PMEPA1: variants seen among roughly 807,000 people sequenced by gnomAD.
PMEPA1 encodes the protein protein TMEPAI.
In PMEPA1, 11 loss-of-function variants were observed where a neutral mutation model predicts 23.0. The ratio of observed to expected loss-of-function variants is 0.48; its 90% CI spans 0.30 to 0.79. The LOEUF is 0.79. Ranked by LOEUF, PMEPA1 falls within the 30% of genes least tolerant of loss-of-function variation. PMEPA1 has a pLI of 0.06. For missense variants in PMEPA1, 377 were observed against 390.9 expected (o/e 0.96, Z 0.30); for synonymous variants, 204 against 166.4 (o/e 1.23, Z -1.74).
In PMEPA1 at chr20:57,652,937, G is replaced by A; in HGVS notation, c.318+96C>T. On this transcript the variant is annotated intron_variant, in intron 3 of 3. Transcript: ENST00000341744. This position sits in a 1 kb window ranked among gnomAD's most constrained non-coding sequence, Gnocchi z 6.1. ...CAAGGGCACTGCAGAGGAGGGCGGAGGGGTGAGCCTTTAGCAGCCCACACT... is the reference window on the plus strand; with the variant it reads ...CAAGGGCACTGCAGAGGAGGGCGGAAGGGTGAGCCTTTAGCAGCCCACACT... The A allele has an allele frequency of 2.0e-6, 2 of 1,023,446 alleles. No individual in the cohort carries two copies. The highest frequency in any genetic ancestry group is 3.0e-6 in the Non-Finnish European group (2 of 668,920). The allele number at this position is 1,023,446 out of a possible 1,614,324, so 63.4% of individuals were successfully genotyped here.
intron 1 of PMEPA1, among the ~76,000 whole-genome samples, chr20:57,666,213 C>CT (rs777450349): frequency 2.6e-5 from 4 of 152,162 alleles, no homozygotes; most frequent in Non-Finnish European, 5.9e-5. Flanking sequence ...CCCCATCCTC[C>CT]TTTTCATGGT....
rs113566197 is a variant in PMEPA1, at chr20:57,652,653, A to G, written c.319-55T>C. On this transcript the variant is annotated intron_variant, in intron 3 of 3. Transcript: ENST00000341744. The surrounding 1 kb of genome is among the most constrained non-coding windows in gnomAD (Gnocchi z 6.1). Reference sequence around the variant, plus strand: ...GGCGGCTGTCTCAGGTGGGTTGTCCAGAAGCGATCCTGAGACTGGAGTTCT... The same window carrying G: ...GGCGGCTGTCTCAGGTGGGTTGTCCGGAAGCGATCCTGAGACTGGAGTTCT... The G allele has an allele frequency of 3.0e-6, 4 of 1,355,388 alleles. No individual in the cohort carries two copies. In the South Asian group the frequency reaches 6.0e-5, roughly 20 times the overall value. 84.0% of individuals were successfully genotyped at this position (1,355,388 alleles called of 1,614,324 possible).
At chr20:57,673,932 T>C (rs2071602492) in intron 1 of PMEPA1, among the ~76,000 whole-genome samples, 1 of 152,188 alleles carries the variant, frequency 6.6e-6, no homozygotes. Flanking sequence ...GCCTCACTCA[T>C]GCAACCAACA....
At chr20:57,694,987 G>A (rs948319658) in intron 1 of PMEPA1, among the ~76,000 whole-genome samples, 1 of 152,178 alleles carries the variant, frequency 6.6e-6, no homozygotes, top group African/African-American at 2.4e-5. Flanking sequence ...CAAGGGGAGA[G>A]GGACCACTGC....
In PMEPA1 at chr20:57,709,780, C is replaced by A; in HGVS notation, c.-198G>T. The A allele has an allele frequency of 1.0e-6, 1 of 978,152 alleles. No homozygotes were observed. Among genetic ancestry groups the A allele is most frequent in the Non-Finnish European group, 1.2e-6 (1 of 825,144 alleles). 60.6% of individuals were successfully genotyped at this position (978,152 alleles called of 1,614,324 possible). A position where few individuals can be genotyped will look rare whatever the true frequency, so the allele number is the denominator to read the frequency against. On this transcript the variant is annotated 5_prime_UTR_variant, in exon 1 of 4. Transcript: ENST00000341744. ...GTGCGCGGGACCGCGCTCCGCTGCG[C>A]CCCCCCGGCCTCCCCTCGGCAGCCC... is the stretch of plus-strand genomic sequence containing the variant.
intron 1 of PMEPA1, among the ~76,000 whole-genome samples, chr20:57,667,334 A>G (rs971786874): frequency 6.6e-6 from 1 of 152,110 alleles, no homozygotes; most frequent in East Asian, 1.9e-4. Context: ...GTAAACGGGG[A>G]GAGGGTCGCT....
intron 1 of PMEPA1, among the ~76,000 whole-genome samples, chr20:57,679,236 A>G (rs1243229622): frequency 6.6e-6 from 1 of 152,228 alleles, no homozygotes; most frequent in East Asian, 1.9e-4. Flanking sequence ...AAACAATGGC[A>G]AGTGCAAATG....
At position 57,648,683 on chromosome 20, in the gene PMEPA1, C is replaced by G. The variant is rs1018396295; in HGVS notation, c.*3370G>C. 3 of 152,296 alleles carry G rather than the reference C, an allele frequency of 2.0e-5. No homozygotes were observed. Among genetic ancestry groups the G allele is most frequent in the African/African-American group, 7.2e-5 (3 of 41,452 alleles). The allele number at this position is 152,296 out of a possible 1,614,324, so 9.4% of individuals were successfully genotyped here. On this transcript the variant is annotated 3_prime_UTR_variant, in exon 4 of 4. Transcript: ENST00000341744. ...GGAATCAGCACAACAGCCATGGAAT[C>G]AGGCAGGCAGGGGAGGACGGGCTGT...
rs1043623013 is a variant in PMEPA1 at position 57,651,488 on chromosome 20, T to C, written c.*565A>G. On this transcript the variant is annotated 3_prime_UTR_variant, in exon 4 of 4. Coordinates refer to ENST00000341744, the MANE Select transcript of PMEPA1 (RefSeq NM_020182.5). ...AACTCTAAACCCCTGCTTTGTAATT[T>C]TTTTCTTTACAAGGTAATACACACT... is the stretch of plus-strand genomic sequence containing the variant. 2.0e-4 allele frequency: 31 copies of C among 152,660 alleles called. No individual in the cohort carries two copies. Among genetic ancestry groups the C allele is most frequent in the African/African-American group, 6.8e-4 (28 of 41,456 alleles). 9.5% of individuals were successfully genotyped at this position (152,660 alleles called of 1,614,324 possible).
intron 2 of PMEPA1, among the ~76,000 whole-genome samples, chr20:57,657,431 A>C (rs1431302966): frequency 6.6e-6 from 1 of 152,184 alleles, no homozygotes; most frequent in African/African-American, 2.4e-5. Flanking sequence ...TCTCATCCCC[A>C]GTTTCTCCTC....
intron 1 of PMEPA1, among the ~76,000 whole-genome samples, chr20:57,676,684 C>T (rs930958164): frequency 3.9e-5 from 6 of 152,200 alleles, no homozygotes; most frequent in Non-Finnish European, 5.9e-5. Context: ...CTCCTGCCCT[C>T]GAGGGGCGGA....
chr20:57,673,822 A>C (rs2071601083), intron 1 of PMEPA1, among the ~76,000 whole-genome samples: 1 of 152,152 alleles, frequency 6.6e-6, no homozygotes. Flanking sequence ...GATGTGGCAC[A>C]CACCTGCACC....
At chr20:57,672,809 T>A (rs1302191827) in intron 1 of PMEPA1, among the ~76,000 whole-genome samples, 1 of 152,106 alleles carries the variant, frequency 6.6e-6, no homozygotes, top group Non-Finnish European at 1.5e-5. Context: ...TTAAAAGGAA[T>A]CCTGGCGCTG....
chr20:57,693,149 C>T (rs1046365735), intron 1 of PMEPA1, among the ~76,000 whole-genome samples: 5 of 152,206 alleles, frequency 3.3e-5, no homozygotes, highest in Admixed American at 6.5e-5. Context: ...CCCGCCTACC[C>T]CACGCCTCCC....
intron 1 of PMEPA1, among the ~76,000 whole-genome samples, chr20:57,702,407 C>A (rs1424775116): frequency 6.6e-6 from 1 of 152,186 alleles, no homozygotes; most frequent in Non-Finnish European, 1.5e-5. Flanking sequence ...CCTGACAAGG[C>A]ACGTGTGTTT....
At chr20:57,664,763 G>GGAC (rs2071470181) in intron 1 of PMEPA1, among the ~76,000 whole-genome samples, 1 of 152,226 alleles carries the variant, frequency 6.6e-6, no homozygotes, top group Non-Finnish European at 1.5e-5. Flanking sequence ...CGGCTGTGAA[G>GGAC]CTGTGGTCCT....
intron 2 of PMEPA1, among the ~76,000 whole-genome samples, chr20:57,653,819 C>T (rs1051623299): frequency 6.6e-6 from 1 of 152,216 alleles, no homozygotes; most frequent in Non-Finnish European, 1.5e-5. Context: ...TGAAGGGCCT[C>T]TCCCGTGAAC....
chr20:57,654,839 C>T (rs2071304180), intron 2 of PMEPA1, among the ~76,000 whole-genome samples: 2 of 152,244 alleles, frequency 1.3e-5, no homozygotes, highest in East Asian at 1.9e-4. Flanking sequence ...CTGCGAGTGC[C>T]GCTGGTCTTT....
Position 57,709,995 on chromosome 20 carries a change from G to GAGGC in PMEPA1, c.-417_-414dup, listed in dbSNP as rs924809322. 2.1e-5 allele frequency: 21 copies of GAGGC among 991,894 alleles called. No individual in the cohort carries two copies. The East Asian group carries it at 2.0e-3, about 94-fold the overall frequency. The allele number at this position is 991,894 out of a possible 1,614,324, so 61.4% of individuals were successfully genotyped here. The stretch of plus-strand genomic sequence containing the variant: ...GGGTTTCGCTCCGAGACCGCGGTCG[G>GAGGC]AGGCAGGCAGACGGTCTGACGTCAG... On this transcript the variant is annotated 5_prime_UTR_variant, in exon 1 of 4. Coordinates refer to ENST00000341744, the MANE Select transcript of PMEPA1 (RefSeq NM_020182.5).
Sources: gnomAD v4.1 joint callset for allele counts (sites outside exome capture counted in the v4.1 genomes callset) on GRCh38, gnomAD v4.1.1 for gene constraint, Gnocchi (gnomAD v3.1) non-coding constraint, MANE v1.5 for transcripts, NCBI Gene and HGNC (gene_info 2026-07-23, HGNC 2026-07-21) for gene names.